Variants in RARB observed in about 807,000 individuals in gnomAD.
RARB encodes the protein HBV-activated protein.
A neutral mutation model predicts 51.9 loss-of-function variants in RARB; 17 were observed. That is an observed-to-expected ratio of 0.33 (90% CI 0.22 to 0.49). The LOEUF is 0.49. Among genes scored for constraint, RARB ranks in the 20% least tolerant of loss-of-function variants. The pLI, the probability that RARB is intolerant of heterozygous loss-of-function variation, is 0.99. For missense variants in RARB, 369 were observed against 550.8 expected, an observed-to-expected ratio of 0.67 and a Z score of 3.30; for synonymous variants, 215 against 195.4, an observed-to-expected ratio of 1.10 and a Z score of -0.84.
intron 2 of RARB, among the ~76,000 whole-genome samples, chr3:24,912,972 A>ATTATTTT (rs71622787): frequency 1.7e-5 from 1 of 57,636 alleles, no homozygotes; most frequent in Non-Finnish European, 3.6e-5. Flanking sequence ...CAAGGTACTG[A>ATTATTTT]TTCTTTTTTT....
intron 3 of RARB, among the ~76,000 whole-genome samples, chr3:25,060,508 C>A (rs184445547): frequency 1.0e-3 from 155 of 151,934 alleles, no homozygotes; most frequent in Non-Finnish European, 9.0e-4. Flanking sequence ...GTTACAGATA[C>A]TCAACCTTGC....
chr3:24,850,568 T>C (rs957278601), intron 1 of RARB, among the ~76,000 whole-genome samples: 24 of 152,178 alleles, frequency 1.6e-4, no homozygotes, highest in African/African-American at 5.3e-4. Flanking sequence ...GGCTTTAGCA[T>C]GTTTGGGGGC....
At chr3:24,917,072 G>T (rs1233097276) in intron 2 of RARB, among the ~76,000 whole-genome samples, 3 of 151,852 alleles carry the variant, frequency 2.0e-5, no homozygotes, top group African/African-American at 7.2e-5. Context: ...GGTGTTCACT[G>T]TAAAACTTTT....
chr3:25,516,031 T>A (rs2125626431), intron 3 of RARB, among the ~76,000 whole-genome samples: 1 of 152,352 alleles, frequency 6.6e-6, no homozygotes, highest in South Asian at 2.1e-4. Context: ...CTTGGCATTT[T>A]GCCTTTTCCT....
In RARB at chr3:25,459,012, T is replaced by C. The variant is rs114431175; in HGVS notation, c.158-2181T>C. ...ACCTCTACTAGTCCTGGAACACAGA[T>C]GTATACAATGCAGGTGAGTTTCTTT... On this transcript the variant is annotated intron_variant, in intron 1 of 7. Coordinates refer to ENST00000330688, the MANE Select transcript of RARB (RefSeq NM_000965.5). 2.8e-3 allele frequency among the ~76,000 whole-genome samples: 429 copies of C among 152,324 alleles called. 2 individuals carry two copies. The highest frequency in any genetic ancestry group is 0.01 in the African/African-American group (417 of 41,582).
chr3:25,170,698 C>G lies in RARB; in HGVS notation c.-279-3421C>G, dbSNP rs567135831. Among the ~76,000 whole-genome samples the G allele has an allele frequency of 3.9e-5, 6 of 152,132 alleles. No homozygotes were observed. In the East Asian group the frequency reaches 1.2e-3, roughly 29 times the overall value. ...GAATGAAATGCAACAGAAAATCATT[C>G]AAATGTTATTTTAAAAATGTTTTCA... On this transcript the variant is annotated intron_variant, in intron 4 of 11. Coordinates refer to the RARB transcript ENST00000383772.
chr3:25,338,981 A>G (rs1194093030), intron 5 of RARB, among the ~76,000 whole-genome samples: 1 of 152,192 alleles, frequency 6.6e-6, no homozygotes, highest in Non-Finnish European at 1.5e-5. Flanking sequence ...ACTACTTTCC[A>G]TATAATAAAT....
intron 1 of RARB, among the ~76,000 whole-genome samples, chr3:24,854,769 C>T (rs1338456424): frequency 6.6e-6 from 1 of 152,154 alleles, no homozygotes; most frequent in Admixed American, 6.5e-5. Flanking sequence ...TCCCCCACCC[C>T]AGCTGTACCA....
chr3:25,287,439 A>G (rs1404737621), intron 5 of RARB, among the ~76,000 whole-genome samples: 1 of 152,210 alleles, frequency 6.6e-6, no homozygotes, highest in African/African-American at 2.4e-5. Flanking sequence ...ATAACCTCTC[A>G]TTCTAAGGGA....
chr3:25,255,353 T>G (rs1282841626), intron 5 of RARB, among the ~76,000 whole-genome samples: 3 of 152,170 alleles, frequency 2.0e-5, no homozygotes, highest in Non-Finnish European at 4.4e-5. Context: ...GAAAACAATT[T>G]CCCTCATACC....
chr3:25,450,845 G>A (rs992345506), intron 1 of RARB, among the ~76,000 whole-genome samples: 4 of 152,320 alleles, frequency 2.6e-5, no homozygotes, highest in Middle Eastern at 3.4e-3. Context: ...CAGCACTTTG[G>A]GAGGCCAAGG....
chr3:24,971,193 G>A lies in RARB; in HGVS notation c.-379-88932G>A, dbSNP rs573118397. On this transcript the variant is annotated intron_variant, in intron 2 of 11. Coordinates refer to the RARB transcript ENST00000383772. ...TAGGTAACATGCCAATTGTCTCCAT[G>A]CATTATATCTTTTAGTTTTCAAAAC... is the stretch of plus-strand genomic sequence containing the variant. Among the ~76,000 whole-genome samples the A allele has an allele frequency of 4.6e-5, 7 of 151,972 alleles. No individual in the cohort carries two copies. In the South Asian group the frequency reaches 1.5e-3, roughly 32 times the overall value.
intron 2 of RARB, among the ~76,000 whole-genome samples, chr3:24,884,197 A>G (rs1703229168): frequency 1.3e-5 from 2 of 152,196 alleles, no homozygotes; most frequent in Non-Finnish European, 2.9e-5. Flanking sequence ...AGACTCTATT[A>G]AATGTTAATG....
intron 5 of RARB, among the ~76,000 whole-genome samples, chr3:25,338,749 A>G (rs1471913624): frequency 6.6e-6 from 1 of 152,208 alleles, no homozygotes; most frequent in Non-Finnish European, 1.5e-5. Flanking sequence ...AAAGGCTGAC[A>G]TTCATCAGTT....
chr3:25,337,335 A>G (rs1705093897), intron 5 of RARB, among the ~76,000 whole-genome samples: 1 of 152,206 alleles, frequency 6.6e-6, no homozygotes, highest in African/African-American at 2.4e-5. Flanking sequence ...TCAGAATCCT[A>G]ATCACAACCA....
At chr3:25,281,288 C>G (rs1703515492) in intron 5 of RARB, among the ~76,000 whole-genome samples, 1 of 152,156 alleles carries the variant, frequency 6.6e-6, no homozygotes, top group East Asian at 1.9e-4. Flanking sequence ...TTGAAACTGC[C>G]TACACCTTGC....
At chr3:24,961,000 C>T (rs1696128637) in intron 2 of RARB, among the ~76,000 whole-genome samples, 2 of 152,094 alleles carry the variant, frequency 1.3e-5, no homozygotes, top group Non-Finnish European at 1.5e-5. Flanking sequence ...CAGGAATTAA[C>T]CTCTCAAGTC....
intron 5 of RARB, among the ~76,000 whole-genome samples, chr3:25,186,754 C>G (rs1030724558): frequency 2.6e-5 from 4 of 152,010 alleles, no homozygotes; most frequent in African/African-American, 9.7e-5. Context: ...CCTCACCCAT[C>G]TCTAGATTCA....
chr3:25,168,009 TTCAC>T (rs1243030359), intron 4 of RARB, among the ~76,000 whole-genome samples: 1 of 152,186 alleles, frequency 6.6e-6, no homozygotes, highest in African/African-American at 2.4e-5. Flanking sequence ...TTTTATGAAA[TTCAC>T]TCATTTGACA....
Sources: gnomAD v4.1 joint callset for allele counts (sites outside exome capture counted in the v4.1 genomes callset) on GRCh38, gnomAD v4.1.1 for gene constraint, MANE v1.5 for transcripts, NCBI Gene and HGNC (gene_info 2026-07-23, HGNC 2026-07-21) for gene names.